Variants in ERAP1 observed in about 807,000 individuals in gnomAD.
The protein encoded by ERAP1 is adipocyte-derived leucine aminopeptidase.
Under a neutral mutation model 103.7 loss-of-function variants are expected in ERAP1, and 86 were observed. That is an observed-to-expected ratio of 0.83 (90% confidence interval 0.70 to 0.99). The LOEUF is 0.99. ERAP1 is among the 50% of genes least tolerant of loss of function. The probability of loss-of-function intolerance (pLI) is 0.00; values close to 1 mark genes in which losing one functional copy is unlikely to be tolerated. For synonymous variants in ERAP1, 398 were observed against 402.4 expected, an observed-to-expected ratio of 0.99 and a Z score of 0.13; for missense variants, 1,009 against 1,128.4, an observed-to-expected ratio of 0.89 and a Z score of 1.52.
the ERAP1 span, among the ~76,000 whole-genome samples, chr5:96,924,879 T>C: frequency 6.6e-6 from 1 of 152,210 alleles, no homozygotes; most frequent in African/African-American, 2.4e-5. Flanking sequence ...ATTACAGGCA[T>C]GAGCCACTGT....
At chr5:96,818,438 TTTTC>T in the ERAP1 span, among the ~76,000 whole-genome samples, 1 of 151,410 alleles carries the variant, frequency 6.6e-6, no homozygotes, top group Non-Finnish European at 1.5e-5. Context: ...TTTTTTTTTT[TTTTC>T]CTTTATGTTC....
chr5:96,905,593 A>G, the ERAP1 span, among the ~76,000 whole-genome samples: 281 of 152,322 alleles, frequency 1.8e-3, 2 homozygotes, highest in Non-Finnish European at 2.7e-3. Context: ...CAATTTAAGA[A>G]TTAAAGGAGG....
At chr5:96,819,663 A>G in the ERAP1 span, among the ~76,000 whole-genome samples, 2 of 152,190 alleles carry the variant, frequency 1.3e-5, no homozygotes, top group African/African-American at 4.8e-5. Context: ...TTTTTTACGT[A>G]CTAAGGACCA....
At chr5:96,895,488 T>C in the ERAP1 span, 3 of 687,714 alleles carry the variant, frequency 4.4e-6, no homozygotes, top group Middle Eastern at 8.2e-4. Flanking sequence ...GGCATTTTGT[T>C]TGATACACGA....
chr5:96,899,281 A>ATATCAC, the ERAP1 span, among the ~76,000 whole-genome samples: 3 of 152,176 alleles, frequency 2.0e-5, no homozygotes, highest in Non-Finnish European at 4.4e-5. Context: ...TCCTAGTTTT[A>ATATCAC]AGAAAAGTCC....
chr5:96,839,110 A>G, the ERAP1 span, among the ~76,000 whole-genome samples: 5 of 152,212 alleles, frequency 3.3e-5, no homozygotes, highest in African/African-American at 1.2e-4. Context: ...GAAACAGCCA[A>G]ATGAAGACAC....
At chr5:96,880,225 T>C in the ERAP1 span, 1 of 1,613,964 alleles carries the variant, frequency 6.2e-7, no homozygotes, top group Non-Finnish European at 8.5e-7. Context: ...AAGGGTTTTA[T>C]AAAAGCACAT....
the ERAP1 span, among the ~76,000 whole-genome samples, chr5:96,872,605 C>CA: frequency 1.3e-5 from 2 of 151,696 alleles, no homozygotes; most frequent in Admixed American, 6.6e-5. Context: ...TCCCAAAAAA[C>CA]AAAAAATAAG....
chr5:96,853,987 G>T, the ERAP1 span, among the ~76,000 whole-genome samples: 2 of 152,124 alleles, frequency 1.3e-5, no homozygotes, highest in Non-Finnish European at 2.9e-5. Flanking sequence ...ACAGGTAAAA[G>T]ATGGGTTTTG....
chr5:96,852,707 A>T, the ERAP1 span, among the ~76,000 whole-genome samples: 10 of 152,224 alleles, frequency 6.6e-5, no homozygotes, highest in Admixed American at 5.9e-4. Flanking sequence ...TCAAAAAATC[A>T]TTTTAAAATC....
chr5:96,800,791 C>A, intron 3 of ERAP1, 71 bp downstream of exon 3: 1 of 1,542,692 alleles, frequency 6.5e-7, no homozygotes, highest in Non-Finnish European at 9.0e-7. Flanking sequence ...TGTTGACTGT[C>A]ACTGGGCTAG....
At chr5:96,914,673 A>G in the ERAP1 span, among the ~76,000 whole-genome samples, 8 of 152,176 alleles carry the variant, frequency 5.3e-5, no homozygotes, top group Non-Finnish European at 1.2e-4. Flanking sequence ...TGCTTTATCA[A>G]CATGAATCAC....
At chr5:96,823,095 G>A in the ERAP1 span, 1 of 456,218 alleles carries the variant, frequency 2.2e-6, no homozygotes, top group African/African-American at 2.0e-5. Context: ...TCTTTACCAT[G>A]TGGGATCCCC....
the ERAP1 span, chr5:96,873,508 C>T: frequency 6.6e-6 from 3 of 454,974 alleles, no homozygotes; most frequent in African/African-American, 4.0e-5. Flanking sequence ...TTGGGGCTGG[C>T]ATTTACCTTG....
chr5:96,902,801 T>A, the ERAP1 span: 1 of 156,798 alleles, frequency 6.4e-6, no homozygotes, highest in Non-Finnish European at 1.4e-5. Context: ...TTATGTTGAA[T>A]AAAGACTAAA....
the ERAP1 span, among the ~76,000 whole-genome samples, chr5:96,821,839 C>T: frequency 6.6e-6 from 1 of 152,156 alleles, no homozygotes; most frequent in Non-Finnish European, 1.5e-5. Context: ...TATGTCTGCT[C>T]TGTCAGGTGA....
chr5:96,894,269 C>G, the ERAP1 span, among the ~76,000 whole-genome samples: 1 of 152,178 alleles, frequency 6.6e-6, no homozygotes, highest in African/African-American at 2.4e-5. Context: ...CTTATATTCA[C>G]CGGTTTTCAA....
the ERAP1 span, among the ~76,000 whole-genome samples, chr5:96,929,362 T>C: frequency 6.6e-6 from 1 of 152,220 alleles, no homozygotes; most frequent in Admixed American, 6.5e-5. Context: ...CTAACACTAG[T>C]AAACTAATAC....
At chr5:96,917,885 G>T in the ERAP1 span, 1 of 127,066 alleles carries the variant, frequency 7.9e-6, no homozygotes, top group Non-Finnish European at 1.5e-5. Context: ...CAGCCTGGGT[G>T]ACTGAGCGAG....
Sources: allele counts gnomAD v4.1 joint callset (sites outside exome capture counted in the v4.1 genomes callset), GRCh38; gene constraint gnomAD v4.1.1; transcripts MANE v1.5; gene names NCBI Gene and HGNC (gene_info 2026-07-23, HGNC 2026-07-21).